ZNF528: variants seen among roughly 807,000 people sequenced by gnomAD.
The protein encoded by ZNF528 is zinc finger protein 528.
In ZNF528, 9 loss-of-function variants were observed where a neutral mutation model predicts 13.3. That is an observed-to-expected ratio of 0.67 (90% CI 0.41 to 1.18). The LOEUF is 1.18. ZNF528 is among the 50% of genes most tolerant of loss of function. ZNF528 has a pLI of 0.01. For missense variants in ZNF528, 858 were observed against 745.4 expected, an observed-to-expected ratio of 1.15 and a Z score of -1.76; for synonymous variants, 264 against 254.3, an observed-to-expected ratio of 1.04 and a Z score of -0.36.
chr19:52,415,412 AATG>A lies in ZNF528; in HGVS notation c.561_563del (p.Lys187_Cys188delinsAsn). The stretch of plus-strand genomic sequence containing the variant: ...GCACACATTAGGGAAAAAGCTTATA[AATG>A]TAATGAGCACGGCCAAGTCTTTAGA... On this transcript the variant is annotated inframe_deletion, in exon 7 of 7. Coordinates refer to ENST00000360465, the MANE Select transcript of ZNF528 (RefSeq NM_032423.3). The A allele has an allele frequency of 6.2e-7, 1 of 1,614,210 alleles. No individual in the cohort carries two copies. The highest frequency in any genetic ancestry group is 8.5e-7 in the Non-Finnish European group (1 of 1,180,048).
chr19:52,416,662 C>T lies in ZNF528; in HGVS notation c.1810C>T (p.Pro604Ser). 1 of 1,614,066 alleles carries T rather than the reference C, an allele frequency of 6.2e-7. No homozygotes were observed. The highest frequency in any genetic ancestry group is 8.5e-7 in the Non-Finnish European group (1 of 1,179,946). The change falls in exon 7 of 7, where the codon CCT becomes TCT. Residue 604 changes from proline to serine, a missense_variant. By Grantham distance (74) the Pro-to-Ser change is moderately conservative (BLOSUM62 -1). Coordinates refer to ENST00000360465, the MANE Select transcript of ZNF528 (RefSeq NM_032423.3). ...NHHRIHIGEK[P>S]YKCTLCSKVF... ...CCATAGAATTCACATTGGAGAGAAA[C>T]CTTACAAATGCACCCTGTGCAGTAA...
intron 2 of ZNF528, among the ~76,000 whole-genome samples, chr19:52,399,223 A>G (rs1452248170): frequency 6.6e-6 from 1 of 152,180 alleles, no homozygotes; most frequent in Non-Finnish European, 1.5e-5. Flanking sequence ...AGTAGTGAGG[A>G]AAGAGGGGGA....
At chr19:52,404,320 C>T (rs2058829653) in intron 4 of ZNF528, among the ~76,000 whole-genome samples, 1 of 152,104 alleles carries the variant, frequency 6.6e-6, no homozygotes, top group Non-Finnish European at 1.5e-5. Context: ...CTCCGCCTCC[C>T]GGGTTCCTGC....
At chr19:52,402,049 G>T in intron 4 of ZNF528, 21 bp downstream of exon 4, 1 of 1,614,166 alleles carries the variant, frequency 6.2e-7, no homozygotes. Flanking sequence ...GTTCTCAGTG[G>T]ATTGTTCTGT....
intron 4 of ZNF528, 125 bp from the exon 5 acceptor site, chr19:52,405,782 C>T (rs1599822493): frequency 1.5e-6 from 2 of 1,316,812 alleles, no homozygotes; most frequent in East Asian, 2.6e-5. Flanking sequence ...CTCAAGAATA[C>T]CTTAATATGG....
chr19:52,403,294 C>T (rs1342036020), intron 4 of ZNF528, among the ~76,000 whole-genome samples: 1 of 152,116 alleles, frequency 6.6e-6, no homozygotes, highest in Non-Finnish European at 1.5e-5. Context: ...ATAGCCACTG[C>T]CATCCAGTTT....
At chr19:52,400,704 T>G (rs530512354) in intron 2 of ZNF528, among the ~76,000 whole-genome samples, 47 of 152,150 alleles carry the variant, frequency 3.1e-4, no homozygotes, top group African/African-American at 1.1e-3. Context: ...AAAAATTTTT[T>G]TTTTTGAGAC....
In ZNF528 at chr19:52,406,853, T is replaced by C. The variant is rs1599825223; in HGVS notation, c.271+210T>C. ...TACCCTGCAAAGCCACACTATTACA[T>C]AGCGTTTGGGAAACTCTCTGCAAAT... On this transcript the variant is annotated intron_variant, in intron 6 of 6. Transcript: ENST00000360465. 10 of 518,580 alleles carry C rather than the reference T, an allele frequency of 1.9e-5. No homozygotes were observed. In the East Asian group the frequency reaches 3.4e-4, roughly 18 times the overall value. 32.1% of individuals were successfully genotyped at this position (518,580 alleles called of 1,614,324 possible).
intron 6 of ZNF528, chr19:52,412,745 T>G (rs7507280): frequency 0.62 from 94,436 of 151,998 alleles, 32,208 homozygotes; most frequent in Non-Finnish European, 0.79. Context: ...GTCCTTTCTG[T>G]CCTGAGATCT....
chr19:52,414,855 C>A, intron 6 of ZNF528: 4 of 1,171,256 alleles, frequency 3.4e-6, no homozygotes, highest in Non-Finnish European at 4.7e-6. Flanking sequence ...ATCCCTGCTT[C>A]TTCCCAGAAG....
rs550385221 is a variant in ZNF528 at position 52,417,653 on chromosome 19, G to C, written c.*914G>C. 6.6e-6 allele frequency: 1 copy of C among 152,142 alleles called. No individual in the cohort carries two copies. Among genetic ancestry groups the C allele is most frequent in the African/African-American group, 2.4e-5 (1 of 41,266 alleles). The allele number at this position is 152,142 out of a possible 1,614,324, so 9.4% of individuals were successfully genotyped here. A position where few individuals can be genotyped will look rare whatever the true frequency, so the allele number is the denominator to read the frequency against. ...TTTTTTGGAGATAGAGTCTCACTCT[G>C]TTGCCCAGGCTGGAGTGTAGTGGTG... On this transcript the variant is annotated 3_prime_UTR_variant, in exon 7 of 7. Coordinates refer to ENST00000360465, the MANE Select transcript of ZNF528 (RefSeq NM_032423.3).
At chr19:52,404,740 G>A (rs1020098397) in intron 4 of ZNF528, among the ~76,000 whole-genome samples, 1 of 151,786 alleles carries the variant, frequency 6.6e-6, no homozygotes, top group Admixed American at 6.6e-5. Flanking sequence ...GGGATTACAG[G>A]CACTCACCAC....
At chr19:52,401,577 T>A in intron 2 of ZNF528, 108 bp from the exon 3 acceptor site, 1 of 980,028 alleles carries the variant, frequency 1.0e-6, no homozygotes, top group South Asian at 1.5e-5. Flanking sequence ...CCTTTCCTTT[T>A]CTGAGAGCGT....
In ZNF528 at chr19:52,405,971, C is replaced by G. The variant is rs146475361; in HGVS notation, c.80C>G (p.Pro27Arg). 2 of 1,612,238 alleles carry G rather than the reference C, an allele frequency of 1.2e-6. No homozygotes were observed. Among genetic ancestry groups the G allele is most frequent in the Non-Finnish European group, 1.7e-6 (2 of 1,178,786 alleles). The change falls in exon 5 of 7, where the codon CCT becomes CGT. Residue 27 changes from proline to arginine, a missense_variant. Pro to Arg is a moderately radical substitution (Grantham distance 103). Coordinates refer to ENST00000360465, the MANE Select transcript of ZNF528 (RefSeq NM_032423.3). ...CAGGAAGAGTGGAAATGCCTGGACC[C>G]TGCGCAGAGGACTTTATACAGGGAC... is the stretch of plus-strand genomic sequence containing the variant. ...FSQEEWKCLDPAQRTLYRDVM... is the reference protein window; with the variant it reads ...FSQEEWKCLDRAQRTLYRDVM...
intron 4 of ZNF528, among the ~76,000 whole-genome samples, chr19:52,403,012 A>G (rs1482379734): frequency 1.3e-5 from 2 of 152,180 alleles, no homozygotes; most frequent in African/African-American, 4.8e-5. Context: ...TTTTAAAAAT[A>G]TTATGTTTTT....
chr19:52,411,958 G>C (rs979596331), intron 6 of ZNF528: 1 of 152,178 alleles, frequency 6.6e-6, no homozygotes, highest in Non-Finnish European at 1.5e-5. Context: ...AACACTTTTA[G>C]CTGCTCCTAC....
intron 4 of ZNF528, chr19:52,402,399 TTTC>T (rs1040350273): frequency 7.8e-5 from 23 of 295,034 alleles, no homozygotes; most frequent in Admixed American, 1.4e-4. Flanking sequence ...AGTTCCTTTC[TTTC>T]TTCTTTCTTT....
chr19:52,406,951 T>C (rs536192090), intron 6 of ZNF528: 1 of 361,784 alleles, frequency 2.8e-6, no homozygotes, highest in East Asian at 4.2e-5. Context: ...TATTTTCCTA[T>C]TTATTTTTTG....
intron 6 of ZNF528, chr19:52,414,123 C>T: frequency 2.9e-6 from 2 of 688,100 alleles, no homozygotes; most frequent in Non-Finnish European, 5.3e-6. Context: ...ATATCGCTCC[C>T]AGTACCTCTT....
Sources: gnomAD v4.1 joint callset for allele counts (sites outside exome capture counted in the v4.1 genomes callset) on GRCh38, gnomAD v4.1.1 for gene constraint, MANE v1.5 for transcripts, NCBI Gene and HGNC (gene_info 2026-07-23, HGNC 2026-07-21) for gene names.